SIPA1L2: variants seen among roughly 807,000 people sequenced by gnomAD.
SIPA1L2 encodes the protein signal induced proliferation associated 1 like 2, also known as signal-induced proliferation-associated 1-like protein 2.
A neutral mutation model predicts 163.9 loss-of-function variants in SIPA1L2; 56 were observed. That is an observed-to-expected ratio of 0.34 (90% CI 0.28 to 0.43). The LOEUF (loss-of-function observed/expected upper bound fraction) is 0.43. SIPA1L2 is among the 20% of genes least tolerant of loss of function. The pLI is 1.00. For missense variants in SIPA1L2, 1,974 were observed against 2,193.5 expected, an observed-to-expected ratio of 0.90 and a Z score of 2.00; for synonymous variants, 877 against 865.7, an observed-to-expected ratio of 1.01 and a Z score of -0.23.
chr1:232,541,908 A>C (rs1033071514), intron 2 of SIPA1L2, among the ~76,000 whole-genome samples: 16 of 148,212 alleles, frequency 1.1e-4, no homozygotes, highest in Non-Finnish European at 1.9e-4. Flanking sequence ...GCAGGGAAAG[A>C]ATGTTAAATC....
rs762392407 is a variant in SIPA1L2, at chr1:232,465,252, C to A, written c.2408G>T (p.Arg803Leu). Residue 803 changes from arginine (R) to leucine (L), a missense_variant, in exon 9 of 23, where the codon CGA becomes CTA. Transcript: ENST00000674635. This position sits in a 1 kb window ranked among gnomAD's most constrained non-coding sequence, Gnocchi z 4.1. ...ATCTTTCAAGTACTCCTGCCTCGTT[C>A]GAGTGGCCATTGCTCGAAACTTTTC... ...KSEKFRAMATRTRQEYLKDLA... is the reference protein window; with the variant it reads ...KSEKFRAMATLTRQEYLKDLA... 6.2e-7 allele frequency: 1 copy of A among 1,614,172 alleles called. No individual in the cohort carries two copies. The highest frequency in any genetic ancestry group is 1.1e-5 in the South Asian group (1 of 91,080).
Position 232,581,790 on chromosome 1 carries a change from C to T in SIPA1L2, c.-318-7568G>A, listed in dbSNP as rs1276588107. On this transcript the variant is annotated intron_variant, in intron 1 of 22. Coordinates refer to ENST00000674635, the MANE Select transcript of SIPA1L2 (RefSeq NM_020808.5). Reference sequence around the variant, plus strand: ...ATGCCCTAAAGGTTCCTGCCTCTGTCCCTTCTATCAAGACGTCCCCTTACC... The same window carrying T: ...ATGCCCTAAAGGTTCCTGCCTCTGTTCCTTCTATCAAGACGTCCCCTTACC... 2.0e-5 allele frequency among the ~76,000 whole-genome samples: 3 copies of T among 152,180 alleles called. No homozygotes were observed. In the East Asian group the frequency reaches 5.8e-4, roughly 29 times the overall value.
intron 8 of SIPA1L2, among the ~76,000 whole-genome samples, chr1:232,468,120 G>A (rs1664617132): frequency 6.6e-6 from 1 of 152,154 alleles, no homozygotes; most frequent in Non-Finnish European, 1.5e-5. Flanking sequence ...GGTTACAAAA[G>A]CTCATAGGAT....
chr1:232,620,961 T>C (rs1443477588), intron 1 of SIPA1L2, among the ~76,000 whole-genome samples: 3 of 152,382 alleles, frequency 2.0e-5, no homozygotes, highest in East Asian at 3.9e-4. Flanking sequence ...AATATTTAAA[T>C]GCCTGAAATG....
chr1:232,474,659 T>C (rs1007618250), intron 7 of SIPA1L2, among the ~76,000 whole-genome samples: 6 of 152,184 alleles, frequency 3.9e-5, no homozygotes, highest in African/African-American at 1.4e-4. Flanking sequence ...GTAACAGATA[T>C]GCCAATTACT....
At chr1:232,605,904 A>G (rs1430571311) in intron 1 of SIPA1L2, among the ~76,000 whole-genome samples, 1 of 152,228 alleles carries the variant, frequency 6.6e-6, no homozygotes, top group African/African-American at 2.4e-5. Flanking sequence ...ACAGTCAGAC[A>G]CAGTTGCTGC....
At position 232,485,238 on chromosome 1, in the gene SIPA1L2, A is replaced by T. The variant is rs142028351; in HGVS notation, c.1807-1272T>A. On this transcript the variant is annotated intron_variant, in intron 5 of 22. Transcript: ENST00000674635. ...TACAATCTGACTGAATCAGCTACCT[A>T]TACCGATGGATGCTATGGCATTGCA... 1.1e-3 allele frequency among the ~76,000 whole-genome samples: 170 copies of T among 152,350 alleles called. 1 individual carries two copies. The highest frequency in any genetic ancestry group is 3.6e-3 in the African/African-American group (151 of 41,578).
chr1:232,488,176 C>T (rs183900407), intron 5 of SIPA1L2, among the ~76,000 whole-genome samples: 278 of 152,248 alleles, frequency 1.8e-3, no homozygotes, highest in African/African-American at 6.4e-3. Context: ...TGGTCTTGAA[C>T]TCTTGACCTC....
At chr1:232,560,023 A>T in intron 2 of SIPA1L2, among the ~76,000 whole-genome samples, 1 of 152,190 alleles carries the variant, frequency 6.6e-6, no homozygotes, top group East Asian at 1.9e-4. Flanking sequence ...TTGATTTTTG[A>T]TCCCTGCCTA....
intron 1 of SIPA1L2, among the ~76,000 whole-genome samples, chr1:232,604,286 G>A (rs536528292): frequency 4.8e-4 from 73 of 152,178 alleles, no homozygotes; most frequent in African/African-American, 1.6e-3. Flanking sequence ...AAACCTCTTC[G>A]TTCACTAAAA....
At chr1:232,589,270 T>C (rs140945698) in intron 1 of SIPA1L2, among the ~76,000 whole-genome samples, 1 of 152,372 alleles carries the variant, frequency 6.6e-6, no homozygotes, top group Admixed American at 6.5e-5. Flanking sequence ...ATTTAAACAT[T>C]TGGATCTCCA....
intron 1 of SIPA1L2, among the ~76,000 whole-genome samples, chr1:232,622,915 A>T (rs1289178602): frequency 5.9e-5 from 9 of 152,256 alleles, no homozygotes; most frequent in Admixed American, 5.9e-4. Flanking sequence ...CACAACTCCC[A>T]ATCATTTCTT....
At chr1:232,543,163 A>G (rs1021745714) in intron 2 of SIPA1L2, among the ~76,000 whole-genome samples, 7 of 152,258 alleles carry the variant, frequency 4.6e-5, no homozygotes, top group African/African-American at 1.7e-4. Context: ...TCGAATGAAG[A>G]GACGCACAGA....
At chr1:232,551,763 T>C (rs900771888) in intron 2 of SIPA1L2, among the ~76,000 whole-genome samples, 1 of 152,262 alleles carries the variant, frequency 6.6e-6, no homozygotes, top group Non-Finnish European at 1.5e-5. Flanking sequence ...AGTGATAGTT[T>C]AGCTGATGAG....
At chr1:232,530,360 C>T (rs1357245861) in intron 2 of SIPA1L2, among the ~76,000 whole-genome samples, 3 of 152,086 alleles carry the variant, frequency 2.0e-5, no homozygotes, top group African/African-American at 4.8e-5. Flanking sequence ...GTGATCCACC[C>T]GCCTCGGCCT....
rs189807914 is a variant in SIPA1L2, at chr1:232,537,017, C to T, written c.-269-21409G>A. ...TTGGGAGGCCACAGCAGGTGGATCG[C>T]TGAAGCTCAGGAATTCGAGACCAGC... On this transcript the variant is annotated intron_variant, in intron 2 of 22. Transcript: ENST00000674635. 2.3e-3 allele frequency among the ~76,000 whole-genome samples: 351 copies of T among 152,270 alleles called. 1 individual carries two copies. Among genetic ancestry groups the T allele is most frequent in the African/African-American group, 8.0e-3 (334 of 41,558 alleles).
intron 2 of SIPA1L2, among the ~76,000 whole-genome samples, chr1:232,549,417 T>G (rs575204336): frequency 6.6e-6 from 1 of 152,336 alleles, no homozygotes; most frequent in South Asian, 2.1e-4. Context: ...AGCCAAATCC[T>G]CAAGGTTGTA....
intron 19 of SIPA1L2, among the ~76,000 whole-genome samples, chr1:232,409,188 A>C (rs539430553): frequency 2.6e-5 from 4 of 152,270 alleles, no homozygotes; most frequent in Admixed American, 6.5e-5. Context: ...TTAGTTTTTC[A>C]ACTATTTTTC....
At chr1:232,434,902 C>T (rs951815510) in intron 15 of SIPA1L2, among the ~76,000 whole-genome samples, 18 of 152,198 alleles carry the variant, frequency 1.2e-4, no homozygotes, top group Non-Finnish European at 2.2e-4. Context: ...GACATCCCCC[C>T]AGTAGTTAAC....
Sources: allele counts gnomAD v4.1 joint callset (sites outside exome capture counted in the v4.1 genomes callset), GRCh38; gene constraint gnomAD v4.1.1; non-coding constraint Gnocchi (gnomAD v3.1); transcripts MANE v1.5; gene names NCBI Gene and HGNC (gene_info 2026-07-23, HGNC 2026-07-21).